Variants in ANO2 observed in about 807,000 individuals in gnomAD.
ANO2 encodes the protein anoctamin 2.
A neutral mutation model predicts 124.2 loss-of-function variants in ANO2; 101 were observed. The observed-to-expected ratio is 0.81, with a 90% confidence interval of 0.69 to 0.96. The LOEUF is 0.96. Ranked by LOEUF, ANO2 falls within the 40% of genes least tolerant of loss-of-function variation. The probability of loss-of-function intolerance (pLI) is 0.00; values close to 1 mark genes in which losing one functional copy is unlikely to be tolerated. For missense variants in ANO2, 1,293 were observed against 1,274.5 expected, an observed-to-expected ratio of 1.01 and a Z score of -0.22; for synonymous variants, 486 against 482.5, an observed-to-expected ratio of 1.01 and a Z score of -0.09.
At position 5,780,338 on chromosome 12, in the gene ANO2, G is replaced by A. The variant is rs957412176; in HGVS notation, c.1055+19169C>T. Among the ~76,000 whole-genome samples, 5 of 152,232 alleles carry A rather than the reference G, an allele frequency of 3.3e-5. No individual in the cohort carries two copies. The South Asian group carries it at 8.3e-4, about 25-fold the overall frequency. ...TGAAATATCATTAATTTTTAATGGCGAAATTTTGCACCAACCTAACACATC... is the reference window on the plus strand; with the variant it reads ...TGAAATATCATTAATTTTTAATGGCAAAATTTTGCACCAACCTAACACATC... On this transcript the variant is annotated intron_variant, in intron 10 of 24. Coordinates refer to ENST00000682330, the MANE Select transcript of ANO2 (RefSeq NM_001364791.2).
At chr12:5,627,735 C>T (rs942929117) in intron 16 of ANO2, among the ~76,000 whole-genome samples, 6 of 152,164 alleles carry the variant, frequency 3.9e-5, no homozygotes, top group African/African-American at 1.4e-4. Flanking sequence ...CTTCTCTCCT[C>T]AGTAATAATA....
intron 14 of ANO2, among the ~76,000 whole-genome samples, chr12:5,712,212 T>C (rs576634079): frequency 1.3e-5 from 2 of 152,266 alleles, no homozygotes; most frequent in East Asian, 3.9e-4. Flanking sequence ...TAGTAAGCAG[T>C]TGAATTGTGC....
chr12:5,602,638 G>C (rs745510636), intron 19 of ANO2, among the ~76,000 whole-genome samples: 2 of 152,124 alleles, frequency 1.3e-5, no homozygotes, highest in Non-Finnish European at 2.9e-5. Context: ...AAATGTCCCA[G>C]AGGTGAAGGA....
chr12:5,804,517 A>T (rs1372362319), intron 9 of ANO2, among the ~76,000 whole-genome samples: 1 of 152,190 alleles, frequency 6.6e-6, no homozygotes, highest in African/African-American at 2.4e-5. Flanking sequence ...TCTTTCTGAC[A>T]TCAACTTTGG....
At chr12:5,867,330 G>C (rs2137275208) in intron 3 of ANO2, among the ~76,000 whole-genome samples, 1 of 152,304 alleles carries the variant, frequency 6.6e-6, no homozygotes, top group East Asian at 1.9e-4. Context: ...TGGTTTCTGT[G>C]GCACTTGTAT....
At chr12:5,657,411 G>C (rs1273373765) in intron 14 of ANO2, among the ~76,000 whole-genome samples, 1 of 152,226 alleles carries the variant, frequency 6.6e-6, no homozygotes, top group Middle Eastern at 3.4e-3. Context: ...AATATGTGGA[G>C]CGCTTAGGGG....
chr12:5,819,757 T>C (rs1953724641), intron 7 of ANO2, among the ~76,000 whole-genome samples: 1 of 152,190 alleles, frequency 6.6e-6, no homozygotes, highest in Non-Finnish European at 1.5e-5. Flanking sequence ...CACTCTTCTC[T>C]GTATGTCAGA....
chr12:5,901,903 C>T (rs998541876), intron 3 of ANO2, among the ~76,000 whole-genome samples: 3 of 152,146 alleles, frequency 2.0e-5, no homozygotes, highest in African/African-American at 4.8e-5. Context: ...CATTAGACTC[C>T]GAGGGGCCAA....
At chr12:5,832,677 C>G in intron 4 of ANO2, 74 bp from the exon 5 acceptor site, 1 of 1,460,916 alleles carries the variant, frequency 6.8e-7, no homozygotes, top group Admixed American at 2.2e-5. Flanking sequence ...CAAAAAAAAG[C>G]TGCATGGACA....
rs1474168118 is a variant in ANO2, at chr12:5,769,200, A to G, written c.1056-18230T>C. Among the ~76,000 whole-genome samples, 1 of 152,032 alleles carries G rather than the reference A, an allele frequency of 6.6e-6. No homozygotes were observed. On this transcript the variant is annotated intron_variant, in intron 10 of 24. Transcript: ENST00000682330. The surrounding 1 kb of genome is among the most constrained non-coding windows in gnomAD (Gnocchi z 4.0). ...AGAAGAGGTTCCCTCTCTCCAACCA[A>G]TCCTCTCTTTAAGAAGGTTTCCAAA...
intron 1 of ANO2, among the ~76,000 whole-genome samples, chr12:5,928,530 CCTTA>C (rs1942202501): frequency 6.6e-6 from 1 of 150,876 alleles, no homozygotes; most frequent in Non-Finnish European, 1.5e-5. Flanking sequence ...TACCTTCCTT[CCTTA>C]CTCGTCTACC....
chr12:5,940,362 C>T (rs1303016015), intron 1 of ANO2, among the ~76,000 whole-genome samples: 1 of 152,206 alleles, frequency 6.6e-6, no homozygotes, highest in Non-Finnish European at 1.5e-5. Flanking sequence ...GATTCTTAAA[C>T]TGGTATTATC....
Position 5,578,470 on chromosome 12 carries a change from G to T in ANO2, c.2282C>A (p.Ala761Glu). The T allele has an allele frequency of 1.9e-6, 3 of 1,613,974 alleles. No homozygotes were observed. The highest frequency in any genetic ancestry group is 2.5e-6 in the Non-Finnish European group (3 of 1,179,868). Residue 761 changes from alanine to glutamate, a missense_variant, in exon 21 of 25, where the codon GCA becomes GAA. Ala to Glu is a moderately radical substitution (Grantham distance 107). Coordinates refer to ENST00000682330, the MANE Select transcript of ANO2 (RefSeq NM_001364791.2). ...VTLFVASFPL[A>E]PVFALLNNVI... is the part of the protein sequence containing the mutation. ...GTTGTTGAGGAGGGCAAACACAGGT[G>T]CCAGGGGAAAGGAGGCCACGAAGAG...
At chr12:5,906,920 CT>C (rs1940743450) in intron 3 of ANO2, among the ~76,000 whole-genome samples, 1 of 152,194 alleles carries the variant, frequency 6.6e-6, no homozygotes, top group Non-Finnish European at 1.5e-5. Flanking sequence ...AGAAGGTGTA[CT>C]AGGTGCTTTG....
chr12:5,795,167 G>A (rs1478472213), intron 10 of ANO2, among the ~76,000 whole-genome samples: 3 of 152,200 alleles, frequency 2.0e-5, no homozygotes, highest in Admixed American at 1.3e-4. Context: ...TCCCATTCGT[G>A]GCATGTCAGG....
chr12:5,610,819 TAC>T (rs766401385), intron 19 of ANO2, among the ~76,000 whole-genome samples: 3,389 of 110,784 alleles, frequency 0.031, 54 homozygotes, highest in South Asian at 0.037. Flanking sequence ...GAGTTGTCCA[TAC>T]ACACACACAC....
intron 1 of ANO2, among the ~76,000 whole-genome samples, chr12:5,926,888 G>A (rs1042663210): frequency 3.9e-5 from 6 of 152,154 alleles, no homozygotes; most frequent in Admixed American, 6.5e-5. Context: ...TTTTTACTTC[G>A]GTGATTTGGG....
chr12:5,801,609 C>G (rs1291927144), intron 9 of ANO2, among the ~76,000 whole-genome samples: 1 of 152,216 alleles, frequency 6.6e-6, no homozygotes, highest in Non-Finnish European at 1.5e-5. Context: ...AGGTGATAGA[C>G]TTTTATTGTC....
intron 3 of ANO2, among the ~76,000 whole-genome samples, chr12:5,868,445 G>T (rs1482301090): frequency 3.9e-5 from 6 of 152,124 alleles, no homozygotes. Flanking sequence ...GAATCTGGAA[G>T]CAATAGTGAC....
Sources: allele counts gnomAD v4.1 joint callset (sites outside exome capture counted in the v4.1 genomes callset), GRCh38; gene constraint gnomAD v4.1.1; non-coding constraint Gnocchi (gnomAD v3.1); transcripts MANE v1.5; gene names NCBI Gene and HGNC (gene_info 2026-07-23, HGNC 2026-07-21).